Variants in CDADC1 observed in about 807,000 individuals in gnomAD.
CDADC1 encodes cytidine and dCMP deaminase domain containing 1, also known as dCTP deaminase.
Under a neutral mutation model 54.9 loss-of-function variants are expected in CDADC1, and 39 were observed. The observed-to-expected ratio is 0.71, with a 90% CI of 0.55 to 0.93. The LOEUF (loss-of-function observed/expected upper bound fraction) is 0.93, where lower values mean the gene tolerates loss of function less well. Ranked by LOEUF, CDADC1 falls within the 40% of genes least tolerant of loss-of-function variation. CDADC1 has a pLI of 0.00. For missense variants in CDADC1, 518 were observed against 618.8 expected, an observed-to-expected ratio of 0.84 and a Z score of 1.73; for synonymous variants, 186 against 204.0, an observed-to-expected ratio of 0.91 and a Z score of 0.75.
intron 5 of CDADC1, among the ~76,000 whole-genome samples, chr13:49,273,894 C>T (rs935698456): frequency 1.3e-5 from 2 of 152,196 alleles, no homozygotes; most frequent in African/African-American, 4.8e-5. Flanking sequence ...AGTTATTACA[C>T]AAAATCCATT....
intron 2 of CDADC1, among the ~76,000 whole-genome samples, chr13:49,251,910 GGCAC>G (rs1952441962): frequency 6.6e-6 from 1 of 152,092 alleles, no homozygotes; most frequent in Non-Finnish European, 1.5e-5. Context: ...TCATCTGGTG[GGCAC>G]CATGGAAGTT....
intron 2 of CDADC1, among the ~76,000 whole-genome samples, chr13:49,249,609 C>G (rs189689986): frequency 6.6e-6 from 1 of 152,110 alleles, no homozygotes; most frequent in Admixed American, 6.6e-5. Context: ...TGGTATCCGC[C>G]TGTAGTCCCA....
At chr13:49,282,452 A>G (rs1593848360) in intron 8 of CDADC1, among the ~76,000 whole-genome samples, 1 of 152,310 alleles carries the variant, frequency 6.6e-6, no homozygotes, top group African/African-American at 2.4e-5. Flanking sequence ...AAAAACCTTA[A>G]GCATACAGAA....
At chr13:49,268,181 A>G (rs916431315) in intron 5 of CDADC1, 122 bp downstream of exon 5, 94 of 800,732 alleles carry the variant, frequency 1.2e-4, no homozygotes, top group Non-Finnish European at 1.7e-4. Flanking sequence ...TGTTCATACA[A>G]TATAGAGAAG....
chr13:49,268,754 A>C (rs1952890426), intron 5 of CDADC1, among the ~76,000 whole-genome samples: 1 of 152,226 alleles, frequency 6.6e-6, no homozygotes, highest in Admixed American at 6.5e-5. Context: ...ATTTTTAAAA[A>C]ATCTTTACAA....
chr13:49,265,409 C>T (rs1365795077), intron 4 of CDADC1, among the ~76,000 whole-genome samples: 3 of 152,186 alleles, frequency 2.0e-5, no homozygotes, highest in Non-Finnish European at 4.4e-5. Flanking sequence ...CTGAAAATCT[C>T]AATTGGGCTT....
chr13:49,274,343 A>T lies in CDADC1; in HGVS notation c.1050+3A>T. On this transcript the variant is annotated splice_donor_region_variant and intron_variant, in intron 6 of 9. Coordinates refer to ENST00000251108, the MANE Select transcript of CDADC1 (RefSeq NM_030911.4). ...TCATTTGGGCAGAAGGGAAATCTGTAAGTATGAAAACAATTCTTTAAATAT... is the reference window on the plus strand; with the variant it reads ...TCATTTGGGCAGAAGGGAAATCTGTTAGTATGAAAACAATTCTTTAAATAT... 6.2e-7 allele frequency: 1 copy of T among 1,606,986 alleles called. No homozygotes were observed. Among genetic ancestry groups the T allele is most frequent in the Non-Finnish European group, 8.5e-7 (1 of 1,174,032 alleles).
intron 6 of CDADC1, among the ~76,000 whole-genome samples, chr13:49,276,481 A>G (rs761417603): frequency 3.3e-5 from 5 of 152,222 alleles, no homozygotes; most frequent in Non-Finnish European, 5.9e-5. Context: ...CTTCACAGAA[A>G]GTAATCTGAC....
intron 9 of CDADC1, among the ~76,000 whole-genome samples, chr13:49,288,233 A>G (rs545065111): frequency 1.3e-5 from 2 of 152,194 alleles, no homozygotes; most frequent in Admixed American, 6.5e-5. Flanking sequence ...TGACAGTTCA[A>G]CTGAACAGTT....
chr13:49,292,091 A>G lies in CDADC1; in HGVS notation c.*334A>G. On this transcript the variant is annotated 3_prime_UTR_variant, in exon 10 of 10. Transcript: ENST00000251108. Reference sequence around the variant, plus strand: ...GAAAGGGTCTGCTTCACAAGAGGTCATGCCTCTGCAGGGAATCACACACCT... The same window carrying G: ...GAAAGGGTCTGCTTCACAAGAGGTCGTGCCTCTGCAGGGAATCACACACCT... 1.9e-6 allele frequency: 2 copies of G among 1,071,726 alleles called. No individual in the cohort carries two copies. The highest frequency in any genetic ancestry group is 3.0e-5 in the South Asian group (1 of 33,152). 66.4% of individuals were successfully genotyped at this position (1,071,726 alleles called of 1,614,324 possible).
rs1953734980 is a variant in CDADC1, at chr13:49,292,367, G to C, written c.*610G>C. 1.0e-6 allele frequency: 1 copy of C among 988,920 alleles called. No homozygotes were observed. The highest frequency in any genetic ancestry group is 1.2e-6 in the Non-Finnish European group (1 of 831,814). The allele number at this position is 988,920 out of a possible 1,614,324, so 61.3% of individuals were successfully genotyped here. On this transcript the variant is annotated 3_prime_UTR_variant, in exon 10 of 10. Coordinates refer to ENST00000251108, the MANE Select transcript of CDADC1 (RefSeq NM_030911.4). Reference sequence around the variant, plus strand: ...GTGGTCCTGTTTATCACAGACTTTGGGTAGCAATAGGAAGAGAGTGTTATT... The same window carrying C: ...GTGGTCCTGTTTATCACAGACTTTGCGTAGCAATAGGAAGAGAGTGTTATT...
intron 6 of CDADC1, among the ~76,000 whole-genome samples, chr13:49,275,624 T>C (rs1953084028): frequency 6.8e-6 from 1 of 148,126 alleles, no homozygotes; most frequent in Non-Finnish European, 1.5e-5. Context: ...TGACATACTA[T>C]AGCACAGCAC....
At chr13:49,281,022 C>T (rs1953315288) in intron 8 of CDADC1, among the ~76,000 whole-genome samples, 2 of 151,744 alleles carry the variant, frequency 1.3e-5, no homozygotes, top group Non-Finnish European at 2.9e-5. Flanking sequence ...TTAGTAGAGA[C>T]GGGGTTTCGC....
chr13:49,261,859 A>G (rs1952694236), intron 4 of CDADC1, among the ~76,000 whole-genome samples: 1 of 152,222 alleles, frequency 6.6e-6, no homozygotes, highest in South Asian at 2.1e-4. Context: ...TTTCATCCTG[A>G]CAAAAAAGAT....
intron 2 of CDADC1, among the ~76,000 whole-genome samples, chr13:49,254,953 G>A (rs576082269): frequency 3.3e-5 from 5 of 152,202 alleles, no homozygotes; most frequent in Middle Eastern, 3.4e-3. Context: ...ACCTGTATTC[G>A]TTTTCTATTG....
At chr13:49,265,959 C>A in intron 4 of CDADC1, 1 of 1,301,060 alleles carries the variant, frequency 7.7e-7, no homozygotes, top group East Asian at 5.6e-5. Flanking sequence ...AGAACTCGAA[C>A]AGAGGGAAGG....
chr13:49,252,644 C>T (rs928769627), intron 2 of CDADC1, among the ~76,000 whole-genome samples: 50 of 152,122 alleles, frequency 3.3e-4, no homozygotes, highest in African/African-American at 1.2e-3. Context: ...ATTTATTGTA[C>T]AAACATTATC....
At chr13:49,265,481 C>G (rs1319938020) in intron 4 of CDADC1, among the ~76,000 whole-genome samples, 1 of 152,142 alleles carries the variant, frequency 6.6e-6, no homozygotes, top group African/African-American at 2.4e-5. Context: ...TTCCACTCTT[C>G]TTAATTTTCC....
chr13:49,278,140 T>G (rs1953200994), intron 6 of CDADC1, among the ~76,000 whole-genome samples: 1 of 152,234 alleles, frequency 6.6e-6, no homozygotes, highest in South Asian at 2.1e-4. Context: ...GATTATAGAT[T>G]AGAGAGGTGG....
Sources: allele counts gnomAD v4.1 joint callset (sites outside exome capture counted in the v4.1 genomes callset), GRCh38; gene constraint gnomAD v4.1.1; transcripts MANE v1.5; gene names NCBI Gene and HGNC (gene_info 2026-07-23, HGNC 2026-07-21).